SLC25A21: variants seen among roughly 807,000 people sequenced by gnomAD.
SLC25A21 encodes the protein mitochondrial 2-oxodicarboxylate carrier.
SLC25A21 carries 47 observed loss-of-function variants against 43.8 expected under a neutral mutation model. The observed-to-expected ratio is 1.07, with a 90% CI of 0.85 to 1.37. SLC25A21 has a LOEUF of 1.37. Ranked by LOEUF, SLC25A21 falls within the 40% of genes most tolerant of loss-of-function variation. SLC25A21 has a pLI of 0.00. For synonymous variants in SLC25A21, 131 were observed against 121.3 expected, an observed-to-expected ratio of 1.08 and a Z score of -0.52; for missense variants, 352 against 350.2, an observed-to-expected ratio of 1.00 and a Z score of -0.04.
chr14:36,968,613 A>G (rs1187471820), intron 1 of SLC25A21, among the ~76,000 whole-genome samples: 2 of 152,064 alleles, frequency 1.3e-5, no homozygotes, highest in Non-Finnish European at 2.9e-5. Context: ...CCCACAGTAA[A>G]TTTCACTGAC....
chr14:36,723,155 A>T (rs566223716), intron 6 of SLC25A21, among the ~76,000 whole-genome samples: 4 of 152,248 alleles, frequency 2.6e-5, no homozygotes, highest in Admixed American at 1.3e-4. Context: ...ATAAGATACT[A>T]GCAAAAATGA....
chr14:37,157,135 T>C (rs1194999522), intron 1 of SLC25A21, among the ~76,000 whole-genome samples: 1 of 152,146 alleles, frequency 6.6e-6, no homozygotes, highest in Non-Finnish European at 1.5e-5. Context: ...GGCAGGTGGA[T>C]TGCTTGGGGC....
At chr14:36,863,606 T>TG (rs1890132658) in intron 2 of SLC25A21, among the ~76,000 whole-genome samples, 1 of 152,186 alleles carries the variant, frequency 6.6e-6, no homozygotes, top group Admixed American at 6.5e-5. Context: ...TTATTTTATG[T>TG]GGGGAGAACT....
At chr14:37,138,467 C>T (rs1358888242) in intron 1 of SLC25A21, among the ~76,000 whole-genome samples, 1 of 151,986 alleles carries the variant, frequency 6.6e-6, no homozygotes, top group Non-Finnish European at 1.5e-5. Context: ...ACCATGTTTT[C>T]TTCAATTAAA....
Position 37,172,572 on chromosome 14 carries a change from G to T in SLC25A21, c.-222C>A, listed in dbSNP as rs1351712693. On this transcript the variant is annotated 5_prime_UTR_variant, in exon 1 of 10. Coordinates refer to ENST00000331299, the MANE Select transcript of SLC25A21 (RefSeq NM_030631.4). ...ACCTGTTCGCAGCGCTCTCGCAGAG[G>T]CGCCCTCGGCTCCGAAAATGTCTCT... 1 of 701,838 alleles carries T rather than the reference G, an allele frequency of 1.4e-6. No individual in the cohort carries two copies. The highest frequency in any genetic ancestry group is 1.7e-5 in the African/African-American group (1 of 57,326). 43.5% of individuals were successfully genotyped at this position (701,838 alleles called of 1,614,324 possible). A position where few individuals can be genotyped will look rare whatever the true frequency, so the allele number is the denominator to read the frequency against.
chr14:37,140,873 G>C (rs1015585718), intron 1 of SLC25A21, among the ~76,000 whole-genome samples: 1 of 152,028 alleles, frequency 6.6e-6, no homozygotes, highest in Non-Finnish European at 1.5e-5. Flanking sequence ...AGCTGGGCAC[G>C]GTAAGGCTCA....
intron 1 of SLC25A21, among the ~76,000 whole-genome samples, chr14:36,904,851 G>C (rs115195114): frequency 1.0e-3 from 155 of 152,212 alleles, no homozygotes; most frequent in African/African-American, 3.6e-3. Flanking sequence ...GAAGATTATG[G>C]GGATTACAGT....
intron 1 of SLC25A21, among the ~76,000 whole-genome samples, chr14:37,017,109 C>T (rs981306393): frequency 5.3e-5 from 8 of 152,066 alleles, no homozygotes; most frequent in Non-Finnish European, 8.8e-5. Flanking sequence ...ATAACTTTTC[C>T]TTTGCACTCA....
intron 1 of SLC25A21, among the ~76,000 whole-genome samples, chr14:37,146,878 G>A (rs1963675335): frequency 6.6e-6 from 1 of 152,148 alleles, no homozygotes; most frequent in Non-Finnish European, 1.5e-5. Flanking sequence ...CATAAAAAAT[G>A]CAGGTATTTT....
chr14:37,032,095 T>C (rs1429557227), intron 1 of SLC25A21, among the ~76,000 whole-genome samples: 1 of 151,358 alleles, frequency 6.6e-6, no homozygotes, highest in African/African-American at 2.4e-5. Context: ...CCCATCATTT[T>C]TCCCATATAG....
intron 1 of SLC25A21, among the ~76,000 whole-genome samples, chr14:37,104,542 A>G (rs1461629773): frequency 6.6e-6 from 1 of 152,190 alleles, no homozygotes; most frequent in Non-Finnish European, 1.5e-5. Context: ...TCTAATCAAC[A>G]TAATACGAAA....
At chr14:37,076,634 G>A (rs112366192) in intron 1 of SLC25A21, among the ~76,000 whole-genome samples, 7,540 of 152,012 alleles carry the variant, frequency 0.05, 241 homozygotes, top group African/African-American at 0.084. Context: ...GATTACAGGC[G>A]CCTGACAGCA....
intron 1 of SLC25A21, among the ~76,000 whole-genome samples, chr14:36,989,768 G>C (rs915560676): frequency 6.6e-6 from 1 of 151,922 alleles, no homozygotes; most frequent in Non-Finnish European, 1.5e-5. Context: ...GAGACCCTCC[G>C]TATCTACTGC....
At chr14:37,078,692 AAGGCAGTGGT>A (rs1365856044) in intron 1 of SLC25A21, among the ~76,000 whole-genome samples, 10 of 152,334 alleles carry the variant, frequency 6.6e-5, no homozygotes, top group Non-Finnish European at 1.3e-4. Flanking sequence ...AAGATACTGG[AAGGCAGTGGT>A]ATAAACGGGA....
chr14:36,849,102 G>C (rs1354732758), intron 2 of SLC25A21, among the ~76,000 whole-genome samples: 1 of 152,148 alleles, frequency 6.6e-6, no homozygotes, highest in Non-Finnish European at 1.5e-5. Flanking sequence ...TCAAAAGTTT[G>C]AGGTAAGTAC....
chr14:37,013,790 A>AT (rs1960786919), intron 1 of SLC25A21, among the ~76,000 whole-genome samples: 1 of 151,184 alleles, frequency 6.6e-6, no homozygotes, highest in African/African-American at 2.4e-5. Flanking sequence ...CTTTTTATTT[A>AT]TTTTCTTTTT....
At chr14:36,962,455 T>A (rs994913993) in intron 1 of SLC25A21, among the ~76,000 whole-genome samples, 1 of 152,198 alleles carries the variant, frequency 6.6e-6, no homozygotes, top group African/African-American at 2.4e-5. Flanking sequence ...TATCCTTTGA[T>A]CTACATCTCC....
At chr14:36,969,308 G>C (rs1303729625) in intron 1 of SLC25A21, among the ~76,000 whole-genome samples, 2 of 152,116 alleles carry the variant, frequency 1.3e-5, no homozygotes, top group Admixed American at 6.6e-5. Context: ...TTAGCTCTTA[G>C]ATCCTGTCTT....
At chr14:36,700,451 T>C (rs1332053815) in intron 7 of SLC25A21, among the ~76,000 whole-genome samples, 1 of 152,196 alleles carries the variant, frequency 6.6e-6, no homozygotes, top group Non-Finnish European at 1.5e-5. Context: ...CTCAGAGGAC[T>C]GGAAGCCATG....
Sources: gnomAD v4.1 joint callset for allele counts (sites outside exome capture counted in the v4.1 genomes callset) on GRCh38, gnomAD v4.1.1 for gene constraint, MANE v1.5 for transcripts, NCBI Gene and HGNC (gene_info 2026-07-23, HGNC 2026-07-21) for gene names.